CDH9: variants seen among roughly 807,000 people sequenced by gnomAD.
The protein encoded by CDH9 is cadherin-9.
A neutral mutation model predicts 70.9 loss-of-function variants in CDH9; 28 were observed. That is an observed-to-expected ratio of 0.40 (90% CI 0.29 to 0.54). The LOEUF (loss-of-function observed/expected upper bound fraction) is 0.54. CDH9 is among the 20% of genes least tolerant of loss of function. CDH9 has a pLI of 0.59. For missense variants in CDH9, 874 were observed against 984.4 expected (o/e 0.89, Z 1.50); for synonymous variants, 409 against 343.1 (o/e 1.19, Z -2.12).
intron 2 of CDH9, among the ~76,000 whole-genome samples, chr5:26,927,665 G>C (rs546276341): frequency 1.3e-5 from 2 of 152,112 alleles, no homozygotes; most frequent in East Asian, 3.9e-4. Flanking sequence ...TTCTGTGAAA[G>C]TTAGTTCTTA....
chr5:26,990,325 G>T (rs560076559), intron 1 of CDH9, among the ~76,000 whole-genome samples: 1 of 152,250 alleles, frequency 6.6e-6, no homozygotes, highest in East Asian at 1.9e-4. Flanking sequence ...TGATTTCCAT[G>T]CCTATTATTT....
chr5:26,972,376 G>A (rs1194546578), intron 2 of CDH9, among the ~76,000 whole-genome samples: 3 of 152,106 alleles, frequency 2.0e-5, no homozygotes, highest in Non-Finnish European at 4.4e-5. Flanking sequence ...TAAGCTCAAT[G>A]CATCTGTTTT....
chr5:27,012,382 A>G (rs1549640), intron 1 of CDH9, among the ~76,000 whole-genome samples: 71,318 of 151,688 alleles, frequency 0.47, 17,615 homozygotes, highest in African/African-American at 0.51. Context: ...CTATTATTAT[A>G]CTTGAAACAA....
At chr5:27,019,453 A>C (rs150332550) in intron 1 of CDH9, among the ~76,000 whole-genome samples, 1 of 152,152 alleles carries the variant, frequency 6.6e-6, no homozygotes, top group Non-Finnish European at 1.5e-5. Flanking sequence ...AATTAATCCC[A>C]GTCTACTTTG....
intron 2 of CDH9, among the ~76,000 whole-genome samples, chr5:26,975,788 T>C (rs1579488506): frequency 6.6e-6 from 1 of 152,182 alleles, no homozygotes; most frequent in African/African-American, 2.4e-5. Flanking sequence ...TCTTATAGCC[T>C]ATATCATAAC....
chr5:26,954,847 G>C, intron 2 of CDH9, among the ~76,000 whole-genome samples: 1 of 152,116 alleles, frequency 6.6e-6, no homozygotes, highest in Non-Finnish European at 1.5e-5. Context: ...ACTGTGTCAC[G>C]TATGTCATCA....
chr5:27,007,560 G>A (rs934943439), intron 1 of CDH9, among the ~76,000 whole-genome samples: 2 of 151,782 alleles, frequency 1.3e-5, no homozygotes, highest in African/African-American at 4.8e-5. Flanking sequence ...GAAACTTTTT[G>A]TCAGCCTGGT....
At chr5:27,032,231 TTAAAC>T (rs1490110655) in intron 1 of CDH9, among the ~76,000 whole-genome samples, 14 of 151,666 alleles carry the variant, frequency 9.2e-5, no homozygotes, top group African/African-American at 2.2e-4. Flanking sequence ...ACTTCATATT[TTAAAC>T]TAAAGTTCAT....
At chr5:26,885,362 C>G (rs778625572) in intron 11 of CDH9, among the ~76,000 whole-genome samples, 1 of 152,062 alleles carries the variant, frequency 6.6e-6, no homozygotes, top group African/African-American at 2.4e-5. Flanking sequence ...ATAGCTAATG[C>G]TATAAAGTAT....
chr5:26,958,095 T>C (rs954719405), intron 2 of CDH9, among the ~76,000 whole-genome samples: 2 of 152,084 alleles, frequency 1.3e-5, no homozygotes, highest in Non-Finnish European at 2.9e-5. Context: ...AGACAAAAGA[T>C]TCAGAAAACA....
intron 3 of CDH9, among the ~76,000 whole-genome samples, chr5:26,910,762 G>T (rs999860184): frequency 6.6e-6 from 1 of 152,174 alleles, no homozygotes; most frequent in African/African-American, 2.4e-5. Flanking sequence ...GAAAGTTACA[G>T]AAAGTGAAAA....
chr5:27,010,014 G>A (rs142423703), intron 1 of CDH9, among the ~76,000 whole-genome samples: 6 of 152,092 alleles, frequency 3.9e-5, no homozygotes, highest in Admixed American at 2.6e-4. Context: ...AACCCTTGGC[G>A]GAGTCCTTAA....
intron 2 of CDH9, among the ~76,000 whole-genome samples, chr5:26,931,137 C>A (rs1407038123): frequency 5.3e-5 from 8 of 152,044 alleles, no homozygotes; most frequent in African/African-American, 1.9e-4. Context: ...AATTGGACAG[C>A]AGAAAAGAAG....
At chr5:26,951,386 G>A (rs552407397) in intron 2 of CDH9, among the ~76,000 whole-genome samples, 1 of 151,252 alleles carries the variant, frequency 6.6e-6, no homozygotes, top group African/African-American at 2.4e-5. Flanking sequence ...CAAACTAATG[G>A]TATTTAGTAG....
chr5:26,968,889 G>T (rs1228827082), intron 2 of CDH9, among the ~76,000 whole-genome samples: 1 of 152,174 alleles, frequency 6.6e-6, no homozygotes, highest in Non-Finnish European at 1.5e-5. Context: ...ATAATGCAAA[G>T]TTAATACATC....
chr5:26,926,279 G>T (rs920850258), intron 2 of CDH9, among the ~76,000 whole-genome samples: 3 of 108,108 alleles, frequency 2.8e-5, no homozygotes, highest in African/African-American at 1.1e-4. Flanking sequence ...AAAATCACAA[G>T]CATTCTTATA....
At chr5:26,911,033 G>A (rs1044555089) in intron 3 of CDH9, among the ~76,000 whole-genome samples, 18 of 152,160 alleles carry the variant, frequency 1.2e-4, no homozygotes, top group African/African-American at 4.3e-4. Context: ...TTATTTTACT[G>A]TGAAATGCAA....
At chr5:26,994,538 T>G (rs1289506826) in intron 1 of CDH9, among the ~76,000 whole-genome samples, 1 of 131,880 alleles carries the variant, frequency 7.6e-6, no homozygotes, top group Non-Finnish European at 1.7e-5. Context: ...TTTTGTTTTT[T>G]GTTTGTTTGT....
At chr5:26,918,337 G>A (rs77373854) in intron 2 of CDH9, among the ~76,000 whole-genome samples, 1 of 152,042 alleles carries the variant, frequency 6.6e-6, no homozygotes, top group Non-Finnish European at 1.5e-5. Flanking sequence ...GGATGGATGA[G>A]CCTGCTCTTG....
Sources: gnomAD v4.1 joint callset for allele counts (sites outside exome capture counted in the v4.1 genomes callset) on GRCh38, gnomAD v4.1.1 for gene constraint, MANE v1.5 for transcripts, NCBI Gene and HGNC (gene_info 2026-07-23, HGNC 2026-07-21) for gene names.